Variants in GRIA4 observed in about 807,000 individuals in gnomAD.
The protein encoded by GRIA4 is glutamate receptor 4.
GRIA4 carries 34 observed loss-of-function variants against 104.0 expected under a neutral mutation model. The observed-to-expected ratio is 0.33, with a 90% confidence interval of 0.25 to 0.44. The LOEUF is 0.44. GRIA4 is among the 20% of genes least tolerant of loss of function. The pLI is 1.00. For missense variants in GRIA4, 750 were observed against 1,096.5 expected (o/e 0.68, Z 4.46); for synonymous variants, 386 against 381.9 (o/e 1.01, Z -0.13).
intron 13 of GRIA4, among the ~76,000 whole-genome samples, chr11:105,929,775 C>A (rs1434133115): frequency 6.6e-6 from 1 of 152,030 alleles, no homozygotes; most frequent in African/African-American, 2.4e-5. Context: ...AACTATAACA[C>A]ATGACATTTG....
intron 4 of GRIA4, among the ~76,000 whole-genome samples, chr11:105,802,224 G>A (rs975128694): frequency 6.6e-6 from 1 of 152,102 alleles, no homozygotes; most frequent in Non-Finnish European, 1.5e-5. Context: ...TGGAATTCAA[G>A]AACAAGATTT....
intron 14 of GRIA4, among the ~76,000 whole-genome samples, chr11:105,935,114 G>C (rs188311628): frequency 1.3e-5 from 2 of 152,230 alleles, no homozygotes; most frequent in East Asian, 3.9e-4. Context: ...ATGTGTGTTG[G>C]TTTGGGAAGG....
At chr11:105,895,745 C>A (rs969873194) in intron 6 of GRIA4, among the ~76,000 whole-genome samples, 1 of 152,148 alleles carries the variant, frequency 6.6e-6, no homozygotes, top group African/African-American at 2.4e-5. Flanking sequence ...TTCGCTCCAT[C>A]TGGTGGACAC....
chr11:105,636,763 G>A (rs1446452596), intron 3 of GRIA4, among the ~76,000 whole-genome samples: 4 of 152,146 alleles, frequency 2.6e-5, no homozygotes, highest in Non-Finnish European at 5.9e-5. Context: ...TAAAACGATG[G>A]CATGGAGTGA....
intron 6 of GRIA4, among the ~76,000 whole-genome samples, chr11:105,897,213 TCA>T (rs1946682029): frequency 6.6e-6 from 1 of 152,092 alleles, no homozygotes; most frequent in African/African-American, 2.4e-5. Context: ...GTTCTCAGCT[TCA>T]GTGTTGTTGG....
chr11:105,804,805 G>A (rs975865667), intron 4 of GRIA4, among the ~76,000 whole-genome samples: 1 of 151,942 alleles, frequency 6.6e-6, no homozygotes, highest in Non-Finnish European at 1.5e-5. Flanking sequence ...ATTTCTGTAT[G>A]AAAGCCACTG....
intron 4 of GRIA4, among the ~76,000 whole-genome samples, chr11:105,853,617 T>C (rs558047178): frequency 3.9e-5 from 6 of 152,336 alleles, no homozygotes; most frequent in African/African-American, 1.4e-4. Flanking sequence ...AATAAGACAT[T>C]GCTGATATTT....
At chr11:105,944,632 A>G (rs1366445240) in intron 14 of GRIA4, among the ~76,000 whole-genome samples, 3 of 152,092 alleles carry the variant, frequency 2.0e-5, no homozygotes, top group African/African-American at 7.2e-5. Context: ...TAGCACACCC[A>G]TATATACTGG....
chr11:105,752,346 C>A (rs1160465825), intron 3 of GRIA4, among the ~76,000 whole-genome samples: 1 of 152,118 alleles, frequency 6.6e-6, no homozygotes, highest in Non-Finnish European at 1.5e-5. Context: ...TTCATTAAGC[C>A]TCTCAGATAT....
chr11:105,693,467 T>A (rs942198371), intron 3 of GRIA4, among the ~76,000 whole-genome samples: 1 of 152,130 alleles, frequency 6.6e-6, no homozygotes, highest in Non-Finnish European at 1.5e-5. Flanking sequence ...TATTTTTTTT[T>A]AAACTCAAGA....
At chr11:105,710,445 T>C (rs1203672135) in intron 3 of GRIA4, among the ~76,000 whole-genome samples, 2 of 152,112 alleles carry the variant, frequency 1.3e-5, no homozygotes, top group Non-Finnish European at 2.9e-5. Flanking sequence ...CAGCAAGTAT[T>C]CTATTTGAAA....
intron 3 of GRIA4, among the ~76,000 whole-genome samples, chr11:105,720,331 C>CTTCAT (rs2135574099): frequency 2.0e-5 from 3 of 152,080 alleles, no homozygotes; most frequent in African/African-American, 7.2e-5. Flanking sequence ...CTGCCAGGAG[C>CTTCAT]TGTGCCACCC....
chr11:105,933,810 T>G lies in GRIA4; in HGVS notation c.2135T>G (p.Val712Gly). Residue 712 changes from valine (V) to glycine (G), a missense_variant, in exon 14 of 17, where the codon GTA becomes GGA. Coordinates refer to ENST00000282499, the MANE Select transcript of GRIA4 (RefSeq NM_000829.4). Reference protein sequence around the residue: ...SVFTRTTAEGVARVRKSKGKF... With the variant: ...SVFTRTTAEGGARVRKSKGKF... The stretch of plus-strand genomic sequence containing the variant: ...TTCACTAGGACTACAGCTGAGGGAG[T>G]AGCTCGTGTCCGCAAATCCAAGGGC... 1 of 1,613,086 alleles carries G rather than the reference T, an allele frequency of 6.2e-7. No individual in the cohort carries two copies. Among genetic ancestry groups the G allele is most frequent in the Non-Finnish European group, 8.5e-7 (1 of 1,179,422 alleles).
chr11:105,612,651 T>C (rs1253839087), intron 3 of GRIA4: 1 of 495,678 alleles, frequency 2.0e-6, no homozygotes, highest in African/African-American at 2.0e-5. Flanking sequence ...TTCTTTCTTC[T>C]CCTCCCTCTC....
chr11:105,743,984 C>A (rs1172935468), intron 3 of GRIA4, among the ~76,000 whole-genome samples: 1 of 152,174 alleles, frequency 6.6e-6, no homozygotes, highest in African/African-American at 2.4e-5. Flanking sequence ...TGGCCTACTA[C>A]AATAGCCTAC....
chr11:105,763,710 A>C (rs2135722830), intron 4 of GRIA4, among the ~76,000 whole-genome samples: 1 of 152,330 alleles, frequency 6.6e-6, no homozygotes, highest in African/African-American at 2.4e-5. Context: ...AAAACAGCTT[A>C]AACTCCTATC....
At chr11:105,855,701 TAAG>T (rs2136000994) in intron 4 of GRIA4, among the ~76,000 whole-genome samples, 1 of 152,258 alleles carries the variant, frequency 6.6e-6, no homozygotes, top group Admixed American at 6.5e-5. Flanking sequence ...CCCACAGTGC[TAAG>T]AAGATAAATA....
At chr11:105,955,999 T>G (rs1056631790) in intron 14 of GRIA4, among the ~76,000 whole-genome samples, 2 of 152,192 alleles carry the variant, frequency 1.3e-5, no homozygotes, top group Admixed American at 6.5e-5. Flanking sequence ...TTTGTTTAAG[T>G]TTCTTGTAAA....
At chr11:105,838,492 T>G (rs973949373) in intron 4 of GRIA4, among the ~76,000 whole-genome samples, 4 of 152,210 alleles carry the variant, frequency 2.6e-5, no homozygotes, top group African/African-American at 9.6e-5. Flanking sequence ...TTGGCCAACA[T>G]TTGAAAAGTT....
Sources: allele counts gnomAD v4.1 joint callset (sites outside exome capture counted in the v4.1 genomes callset), GRCh38; gene constraint gnomAD v4.1.1; transcripts MANE v1.5; gene names NCBI Gene and HGNC (gene_info 2026-07-23, HGNC 2026-07-21).